The following PPOX variants were observed in gnomAD, a reference collection of about 807,000 sequenced individuals.
PPOX encodes the protein protoporphyrinogen oxidase, also known as variegate porphyria.
In PPOX, 23 loss-of-function variants were observed where a neutral mutation model predicts 54.1. The ratio of observed to expected loss-of-function variants is 0.43; its 90% CI spans 0.31 to 0.60. The LOEUF is 0.60. PPOX is among the 20% of genes least tolerant of loss of function. PPOX has a pLI of 0.13. For missense variants in PPOX, 512 were observed against 601.1 expected (o/e 0.85, Z 1.55); for synonymous variants, 224 against 236.1 (o/e 0.95, Z 0.47).
intron 8 of PPOX, 59 bp downstream of exon 8, chr1:161,169,779 A>T (rs904854774): frequency 4.3e-6 from 7 of 1,613,372 alleles, no homozygotes; most frequent in Non-Finnish European, 5.9e-6. Flanking sequence ...CAAAAGCTAT[A>T]CCTTCCTGGG....
downstream of PPOX, chr1:161,175,831 C>A (rs1236679103): frequency 6.2e-7 from 1 of 1,614,102 alleles, no homozygotes; most frequent in Non-Finnish European, 8.5e-7. Flanking sequence ...TCGTTCTGGA[C>A]AGTAGGGCAG....
At chr1:161,173,916 A>G (rs1234978797), downstream of PPOX, 4 of 1,614,058 alleles carry the variant, frequency 2.5e-6, no homozygotes, top group Admixed American at 3.3e-5. Flanking sequence ...GGGGTCACAC[A>G]CATACAGATT....
downstream of PPOX, chr1:161,171,986 T>C (rs1661618777): frequency 1.2e-6 from 2 of 1,613,974 alleles, no homozygotes; most frequent in Admixed American, 3.3e-5. Context: ...TCTGCTGTGA[T>C]GTTGGTATAA....
At position 161,167,085 on chromosome 1, in the gene PPOX, C is replaced by T. The variant is rs951888549; in HGVS notation, c.88-15C>T. ...CTACAGGCGGTGCTGCAGTGTCTCTCCCTCTTGTCGCCAGGTGGTCCTAGT... is the reference window on the plus strand; with the variant it reads ...CTACAGGCGGTGCTGCAGTGTCTCTTCCTCTTGTCGCCAGGTGGTCCTAGT... On this transcript the variant is annotated splice_polypyrimidine_tract_variant and intron_variant, in intron 2 of 12. Coordinates refer to ENST00000367999, the MANE Select transcript of PPOX (RefSeq NM_001122764.3). 1.2e-6 allele frequency: 2 copies of T among 1,614,196 alleles called. No homozygotes were observed. Among genetic ancestry groups the T allele is most frequent in the South Asian group, 2.2e-5 (2 of 91,084 alleles).
chr1:161,175,942 C>T (rs770821883), downstream of PPOX: 16 of 1,613,988 alleles, frequency 9.9e-6, no homozygotes, highest in Admixed American at 1.8e-4. Context: ...TCCCTGATCT[C>T]GGCCAAATAG....
chr1:161,172,180 C>T, downstream of PPOX: 2 of 1,612,836 alleles, frequency 1.2e-6, no homozygotes, highest in Non-Finnish European at 1.7e-6. Flanking sequence ...GGTACAGAAC[C>T]CTGAGGATCC....
rs12741203 is a variant in PPOX, at chr1:161,170,161, C to T, written c.987+137C>T. The T allele has an allele frequency of 0.28, 321,276 of 1,129,790 alleles. 47,874 individuals are homozygous for T. Among genetic ancestry groups the T allele is most frequent in the East Asian group, 0.41 (15,404 of 37,658 alleles). 70.0% of individuals were successfully genotyped at this position (1,129,790 alleles called of 1,614,324 possible). On this transcript the variant is annotated intron_variant, in intron 9 of 12. Coordinates refer to ENST00000367999, the MANE Select transcript of PPOX (RefSeq NM_001122764.3). ...CCAACATGGTGAAACCCCATCTCTA[C>T]GAAAAATACAAAAATTAGCCAGGTG...
chr1:161,172,556 A>G, downstream of PPOX: 2 of 506,828 alleles, frequency 3.9e-6, no homozygotes, highest in Non-Finnish European at 6.9e-6. Context: ...AGGGCCTTTA[A>G]ACAGTTGGCA....
At chr1:161,169,313 G>A (rs1660274863) in intron 7 of PPOX, 130 bp downstream of exon 7, 2 of 1,097,082 alleles carry the variant, frequency 1.8e-6, no homozygotes, top group Admixed American at 2.1e-5. Context: ...CTTAGACATG[G>A]GCTACCCCAG....
At chr1:161,169,832 G>A in intron 8 of PPOX, 74 bp from the exon 9 acceptor site, 1 of 1,614,068 alleles carries the variant, frequency 6.2e-7, no homozygotes, top group Non-Finnish European at 8.5e-7. Context: ...CATCTCTATG[G>A]GAGTCTAATC....
intron 4 of PPOX, 173 bp downstream of exon 4, chr1:161,167,659 G>A (rs1659589367): frequency 1.0e-6 from 1 of 968,038 alleles, no homozygotes; most frequent in African/African-American, 1.7e-5. Flanking sequence ...CCGCCTTTCG[G>A]GTTCAAGCGA....
chr1:161,166,192 A>G, upstream of PPOX: 15 of 976,268 alleles, frequency 1.5e-5, no homozygotes, highest in Non-Finnish European at 1.8e-5. Context: ...GTGCTGGGGA[A>G]CGCTAACTCC....
upstream of PPOX, chr1:161,166,282 G>A (rs1658854634): frequency 9.9e-7 from 1 of 1,011,454 alleles, no homozygotes; most frequent in Non-Finnish European, 1.2e-6. Context: ...GCGCTAACAC[G>A]GTTAACCTCC....
At chr1:161,176,604 A>G (rs1345904665) in intron 4 of PPOX, 4 of 546,486 alleles carry the variant, frequency 7.3e-6, no homozygotes, top group African/African-American at 5.7e-5. Flanking sequence ...GTAAAGGATA[A>G]CTAGCTACCT....
intron 4 of PPOX, chr1:161,176,479 T>C: frequency 2.8e-6 from 1 of 351,342 alleles, no homozygotes; most frequent in Non-Finnish European, 5.2e-6. Flanking sequence ...CTCCAGGGGG[T>C]CCCGGGGGGA....
chr1:161,172,099 A>G (rs375516892), downstream of PPOX: 9 of 1,613,032 alleles, frequency 5.6e-6, no homozygotes, highest in African/African-American at 1.2e-4. Context: ...TCTGAGGGTT[A>G]GAGGTTGGAG....
rs1049592005 is a variant in PPOX at position 161,166,564 on chromosome 1, G to A, written c.-117G>A. ...CCGCCGCCCGAGCCCTGCGAGGGCC[G>A]ATAGCGAGGGTGTGGCCCTTATCTG... On this transcript the variant is annotated 5_prime_UTR_variant, in exon 1 of 13. Coordinates refer to ENST00000367999, the MANE Select transcript of PPOX (RefSeq NM_001122764.3). 9 of 1,401,594 alleles carry A rather than the reference G, an allele frequency of 6.4e-6. No homozygotes were observed. Among genetic ancestry groups the A allele is most frequent in the Non-Finnish European group, 8.3e-6 (9 of 1,078,262 alleles). 86.8% of individuals were successfully genotyped at this position (1,401,594 alleles called of 1,614,324 possible).
chr1:161,174,512 T>TA (rs1257395839), downstream of PPOX, among the ~76,000 whole-genome samples: 2 of 152,236 alleles, frequency 1.3e-5, no homozygotes, highest in Admixed American at 1.3e-4. Flanking sequence ...TTTTTCCACT[T>TA]AGTCATTTGA....
upstream of PPOX, chr1:161,165,805 C>T (rs1395217361): frequency 5.3e-6 from 1 of 188,326 alleles, no homozygotes; most frequent in African/African-American, 2.4e-5. Flanking sequence ...CAAGTTCCCT[C>T]TCTAACAGGT....
Sources: allele counts gnomAD v4.1 joint callset (sites outside exome capture counted in the v4.1 genomes callset), GRCh38; gene constraint gnomAD v4.1.1; transcripts MANE v1.5; gene names NCBI Gene and HGNC (gene_info 2026-07-23, HGNC 2026-07-21).